Variants in GADL1 observed in about 807,000 individuals in gnomAD.
GADL1 encodes acidic amino acid decarboxylase GADL1.
A neutral mutation model predicts 69.5 loss-of-function variants in GADL1; 71 were observed. The ratio of observed to expected loss-of-function variants is 1.02; its 90% CI spans 0.84 to 1.25. The LOEUF is 1.25. Among genes scored for constraint, GADL1 ranks in the 50% most tolerant of loss-of-function variants. The pLI is 0.00. For synonymous variants in GADL1, 254 were observed against 214.4 expected (o/e 1.18, Z -1.62); for missense variants, 737 against 631.8 (o/e 1.17, Z -1.79).
At chr3:30,871,180 T>A (rs1401287848) in intron 1 of GADL1, among the ~76,000 whole-genome samples, 1 of 151,372 alleles carries the variant, frequency 6.6e-6, no homozygotes, top group Non-Finnish European at 1.5e-5. Flanking sequence ...TTGCAGGGAC[T>A]TCAGTAGAAA....
At chr3:30,786,760 G>A (rs553755699) in intron 12 of GADL1, among the ~76,000 whole-genome samples, 1 of 152,292 alleles carries the variant, frequency 6.6e-6, no homozygotes, top group South Asian at 2.1e-4. Flanking sequence ...ACATTAAATA[G>A]CTGGCTTGGA....
rs373606322 is a variant in GADL1, at chr3:30,894,606, G to T, written c.9C>A (p.Ser3Arg). 4.5e-5 allele frequency: 70 copies of T among 1,550,898 alleles called. No individual in the cohort carries two copies. The African/African-American group carries it at 7.5e-4, about 17-fold the overall frequency. The change falls in exon 1 of 15, where the codon AGC (serine) becomes AGA (arginine). Residue 3 changes from serine (S) to arginine (R), a missense_variant. Coordinates refer to ENST00000282538, the MANE Select transcript of GADL1 (RefSeq NM_207359.3). MS[S>R]DSDRQCPVDG... ...CCACAGGACACTGGCGGTCCGAGTC[G>T]CTGCTCATCTCCGCTCCCCCACTCC...
intron 14 of GADL1, among the ~76,000 whole-genome samples, chr3:30,753,259 C>T (rs2125479341): frequency 6.6e-6 from 1 of 152,278 alleles, no homozygotes; most frequent in Non-Finnish European, 1.5e-5. Flanking sequence ...ATCTACGTTA[C>T]ATGATCTATA....
chr3:30,777,251 TAAA>T (rs564268499), intron 14 of GADL1, among the ~76,000 whole-genome samples: 3 of 147,862 alleles, frequency 2.0e-5, no homozygotes, highest in African/African-American at 7.5e-5. Flanking sequence ...AAATTGCTTT[TAAA>T]AAAAAAACGT....
intron 14 of GADL1, among the ~76,000 whole-genome samples, chr3:30,738,587 G>A (rs983316810): frequency 1.3e-5 from 2 of 152,116 alleles, no homozygotes; most frequent in African/African-American, 4.8e-5. Context: ...TGTTTTCCAA[G>A]GATTCATAAC....
At position 30,894,619 on chromosome 3, in the gene GADL1, G is replaced by T. The variant is rs1178508017; in HGVS notation, c.-5C>A. The T allele has an allele frequency of 1.9e-6, 3 of 1,550,318 alleles. No homozygotes were observed. The highest frequency in any genetic ancestry group is 2.7e-5 in the African/African-American group (2 of 72,978). On this transcript the variant is annotated 5_prime_UTR_variant, in exon 1 of 15. Transcript: ENST00000282538. ...GCGGTCCGAGTCGCTGCTCATCTCC[G>T]CTCCCCCACTCCAGGCTGCCCCGGG... is the stretch of plus-strand genomic sequence containing the variant.
chr3:30,786,907 T>C (rs1486905405), intron 12 of GADL1, among the ~76,000 whole-genome samples: 2 of 152,176 alleles, frequency 1.3e-5, no homozygotes, highest in African/African-American at 2.4e-5. Flanking sequence ...AGTATCATGT[T>C]AAAAGTAGGC....
At chr3:30,892,107 T>C (rs1324983750) in intron 1 of GADL1, among the ~76,000 whole-genome samples, 2 of 152,238 alleles carry the variant, frequency 1.3e-5, no homozygotes, top group African/African-American at 4.8e-5. Context: ...TGAAGAATCA[T>C]TCATTTTTAA....
At position 30,839,026 on chromosome 3, in the gene GADL1, C is replaced by G; in HGVS notation, c.874G>C (p.Glu292Gln). 1 of 1,601,010 alleles carries G rather than the reference C, an allele frequency of 6.2e-7. No homozygotes were observed. The highest frequency in any genetic ancestry group is 1.1e-5 in the South Asian group (1 of 89,000). Residue 292 changes from glutamate (E) to glutamine (Q), a missense_variant, in exon 9 of 15, where the codon GAG becomes CAG. By Grantham distance (29) the Glu-to-Gln change is conservative. Coordinates refer to ENST00000282538, the MANE Select transcript of GADL1 (RefSeq NM_207359.3). ...DPLDEIADIC[E>Q]RHSLWLHVDA... ...ACATGAAGCCAGAGGCTGTGCCTCT[C>G]GCAGATGTCTGCTATTTCATCCAGA... is the stretch of plus-strand genomic sequence containing the variant.
intron 4 of GADL1, among the ~76,000 whole-genome samples, chr3:30,852,602 A>G (rs1345213851): frequency 2.0e-5 from 3 of 152,108 alleles, no homozygotes; most frequent in Non-Finnish European, 2.9e-5. Flanking sequence ...GCATATATTT[A>G]TGTGAACCTA....
At chr3:30,781,325 A>G (rs1212089731) in intron 13 of GADL1, among the ~76,000 whole-genome samples, 3 of 152,256 alleles carry the variant, frequency 2.0e-5, no homozygotes, top group East Asian at 1.9e-4. Flanking sequence ...GAAAGAAATT[A>G]GTGGTCACTA....
intron 9 of GADL1, among the ~76,000 whole-genome samples, chr3:30,837,446 G>A (rs189151274): frequency 1.4e-4 from 21 of 152,180 alleles, no homozygotes; most frequent in Admixed American, 1.0e-3. Flanking sequence ...GGATAATTTG[G>A]TGTGGTTTAC....
intron 1 of GADL1, among the ~76,000 whole-genome samples, chr3:30,871,042 A>AGTGTGTGTGTGTGTGTGT (rs4016178): frequency 6.7e-4 from 95 of 141,478 alleles, no homozygotes; most frequent in South Asian, 1.2e-3. Flanking sequence ...AAGGCAGAAA[A>AGTGTGTGTGTGTGTGTGT]GTGTGTGTGT....
intron 11 of GADL1, among the ~76,000 whole-genome samples, chr3:30,812,402 C>T (rs1277896115): frequency 6.6e-6 from 1 of 152,162 alleles, no homozygotes; most frequent in Non-Finnish European, 1.5e-5. Context: ...GGCTGGGAAG[C>T]CCTCATAATC....
chr3:30,838,877 T>C (rs1362261887), intron 9 of GADL1, 120 bp downstream of exon 9: 5 of 598,968 alleles, frequency 8.3e-6, no homozygotes, highest in African/African-American at 5.9e-5. Flanking sequence ...TTCCCCCAAT[T>C]TGAGACACAA....
chr3:30,802,951 G>C (rs1697191218), intron 11 of GADL1, among the ~76,000 whole-genome samples: 1 of 152,130 alleles, frequency 6.6e-6, no homozygotes, highest in Admixed American at 6.5e-5. Flanking sequence ...ATAAAAATTA[G>C]TTGGGCATGG....
intron 11 of GADL1, among the ~76,000 whole-genome samples, chr3:30,817,769 GCTGT>G (rs1697500087): frequency 6.6e-6 from 1 of 152,166 alleles, no homozygotes; most frequent in Non-Finnish European, 1.5e-5. Context: ...GCACTATGGT[GCTGT>G]CTAAGACTGA....
intron 1 of GADL1, among the ~76,000 whole-genome samples, chr3:30,866,185 C>T (rs185087297): frequency 2.0e-5 from 3 of 151,982 alleles, no homozygotes; most frequent in Non-Finnish European, 2.9e-5. Context: ...ACACCAGGCA[C>T]GGTGGTTCAC....
chr3:30,760,954 C>CT (rs757029052), intron 14 of GADL1, among the ~76,000 whole-genome samples: 4 of 145,396 alleles, frequency 2.8e-5, no homozygotes, highest in South Asian at 4.4e-4. Flanking sequence ...CTGTGCTGTT[C>CT]TAAAAAATCA....
Sources: gnomAD v4.1 joint callset for allele counts (sites outside exome capture counted in the v4.1 genomes callset) on GRCh38, gnomAD v4.1.1 for gene constraint, MANE v1.5 for transcripts, NCBI Gene and HGNC (gene_info 2026-07-23, HGNC 2026-07-21) for gene names.